RCL1: variants seen among roughly 807,000 people sequenced by gnomAD.
RCL1 encodes RNA terminal phosphate cyclase like 1.
A neutral mutation model predicts 42.4 loss-of-function variants in RCL1; 24 were observed. That is an observed-to-expected ratio of 0.57 (90% CI 0.41 to 0.80). RCL1 has a LOEUF of 0.80. Among genes scored for constraint, RCL1 ranks in the 30% least tolerant of loss-of-function variants. The probability of loss-of-function intolerance (pLI) is 0.00; values close to 1 mark genes in which losing one functional copy is unlikely to be tolerated. For synonymous variants in RCL1, 228 were observed against 177.3 expected, an observed-to-expected ratio of 1.29 and a Z score of -2.27; for missense variants, 578 against 467.9, an observed-to-expected ratio of 1.24 and a Z score of -2.17.
intron 7 of RCL1, among the ~76,000 whole-genome samples, chr9:4,847,731 G>T (rs1396745424): frequency 6.6e-6 from 1 of 152,190 alleles, no homozygotes; most frequent in African/African-American, 2.4e-5. Context: ...GACCCATTTC[G>T]GAAAGGCTTG....
At chr9:4,830,272 A>G (rs1458617608) in intron 3 of RCL1, among the ~76,000 whole-genome samples, 1 of 152,198 alleles carries the variant, frequency 6.6e-6, no homozygotes, top group Non-Finnish European at 1.5e-5. Flanking sequence ...ATTCTTCCAG[A>G]AGGTTTTAAG....
chr9:4,811,250 G>A (rs913736687), intron 1 of RCL1, among the ~76,000 whole-genome samples: 2 of 150,752 alleles, frequency 1.3e-5, no homozygotes, highest in African/African-American at 4.9e-5. Flanking sequence ...CCACTGCACT[G>A]GGCAATAGAG....
chr9:4,859,198 A>G (rs1382959897), intron 8 of RCL1, among the ~76,000 whole-genome samples: 1 of 152,060 alleles, frequency 6.6e-6, no homozygotes, highest in African/African-American at 2.4e-5. Flanking sequence ...TTCCCAAGGT[A>G]CTCTTGGACT....
At chr9:4,856,419 C>T (rs765145779) in intron 8 of RCL1, among the ~76,000 whole-genome samples, 1 of 152,080 alleles carries the variant, frequency 6.6e-6, no homozygotes, top group Non-Finnish European at 1.5e-5. Flanking sequence ...GTTTGAATAA[C>T]GGGTTCAGTG....
At chr9:4,818,533 C>G (rs901713560) in intron 1 of RCL1, among the ~76,000 whole-genome samples, 3 of 152,062 alleles carry the variant, frequency 2.0e-5, no homozygotes, top group African/African-American at 7.2e-5. Context: ...AAAGGAATGA[C>G]TCCTAATTTT....
chr9:4,835,782 C>G (rs1303888662), intron 5 of RCL1, among the ~76,000 whole-genome samples: 1 of 152,222 alleles, frequency 6.6e-6, no homozygotes, highest in Non-Finnish European at 1.5e-5. Flanking sequence ...ATCTTTAGTC[C>G]TGTTATAACT....
intron 1 of RCL1, among the ~76,000 whole-genome samples, chr9:4,819,651 A>T (rs887036800): frequency 2.8e-4 from 43 of 152,282 alleles, no homozygotes; most frequent in African/African-American, 1.0e-3. Flanking sequence ...TACTGAAAAT[A>T]CAAAAATTAG....
At position 4,840,532 on chromosome 9, in the gene RCL1, T is replaced by G. The variant is rs560978979; in HGVS notation, c.585-700T>G. ...ACTTGAGTTACTAATATCTTCCTCC[T>G]TTCTTTTCTGGGGTGCCCTATTGTA... On this transcript the variant is annotated intron_variant, in intron 5 of 8. Transcript: ENST00000381750. 7.9e-5 allele frequency among the ~76,000 whole-genome samples: 12 copies of G among 152,318 alleles called. No homozygotes were observed. In the East Asian group the frequency reaches 1.2e-3, roughly 15 times the overall value.
intron 1 of RCL1, 78 bp downstream of exon 1, chr9:4,793,305 G>T: frequency 1.4e-6 from 2 of 1,464,018 alleles, no homozygotes; most frequent in Non-Finnish European, 9.1e-7. Context: ...GGGCCCGCGC[G>T]GTGTTGGTTG....
chr9:4,851,912 G>A (rs1282912128), intron 8 of RCL1, among the ~76,000 whole-genome samples: 1 of 111,122 alleles, frequency 9.0e-6, no homozygotes, highest in African/African-American at 3.2e-5. Context: ...ACAGAGTTTC[G>A]CTCTGTCGCC....
At chr9:4,812,862 T>C (rs557998587) in intron 1 of RCL1, among the ~76,000 whole-genome samples, 5 of 152,290 alleles carry the variant, frequency 3.3e-5, no homozygotes, top group African/African-American at 1.2e-4. Flanking sequence ...ATTGATTTCT[T>C]TTTCTGCTAA....
At chr9:4,849,632 A>G in intron 8 of RCL1, 82 bp downstream of exon 8, 1 of 1,015,808 alleles carries the variant, frequency 9.8e-7, no homozygotes, top group Non-Finnish European at 1.5e-6. Flanking sequence ...GTTGTGCTGC[A>G]CAGAGCCTGC....
intron 8 of RCL1, among the ~76,000 whole-genome samples, chr9:4,855,177 A>G (rs1379602637): frequency 2.6e-5 from 4 of 151,864 alleles, no homozygotes; most frequent in African/African-American, 7.3e-5. Flanking sequence ...TCTGAAAATC[A>G]TTTTGTCCCG....
At chr9:4,804,114 C>A (rs1055949335) in intron 1 of RCL1, 1 of 152,444 alleles carries the variant, frequency 6.6e-6, no homozygotes, top group East Asian at 1.9e-4. Flanking sequence ...AACGGAGCAG[C>A]GAGACCTGCA....
At chr9:4,820,504 C>T (rs989233977) in intron 1 of RCL1, among the ~76,000 whole-genome samples, 4 of 152,254 alleles carry the variant, frequency 2.6e-5, no homozygotes, top group East Asian at 3.9e-4. Flanking sequence ...TTCTGCTGGG[C>T]GTTTCTGGTT....
chr9:4,823,400 C>T lies in RCL1; in HGVS notation c.137-148C>T, dbSNP rs1322231933. ...TCAGGTTCCTCAACCTGTGAACCTA[C>T]CCAGTCCTTTAGGAAAGCCCAGGTG... is the stretch of plus-strand genomic sequence containing the variant. On this transcript the variant is annotated intron_variant, in intron 1 of 8. Transcript: ENST00000381750. 1.3e-4 allele frequency: 73 copies of T among 553,778 alleles called. 1 individual carries two copies. Among genetic ancestry groups the T allele is most frequent in the Non-Finnish European group, 1.3e-5 (4 of 316,128 alleles). 34.3% of individuals were successfully genotyped at this position (553,778 alleles called of 1,614,324 possible).
At chr9:4,821,645 T>A (rs1186237678) in intron 1 of RCL1, among the ~76,000 whole-genome samples, 1 of 140,032 alleles carries the variant, frequency 7.1e-6, no homozygotes, top group Non-Finnish European at 1.5e-5. Context: ...GCTGGACTCA[T>A]TTTTTTTTTT....
In RCL1 at chr9:4,844,514, T is replaced by C. The variant is rs368371071; in HGVS notation, c.711-11T>C. ...TAAACCTACTCAGTGTTTGTGCCTT[T>C]GTATCTCCAGGTCTCCGGGCTTTGG... On this transcript the variant is annotated splice_polypyrimidine_tract_variant and intron_variant, in intron 6 of 8. Transcript: ENST00000381750. 1 of 1,604,186 alleles carries C rather than the reference T, an allele frequency of 6.2e-7. No individual in the cohort carries two copies. Among genetic ancestry groups the C allele is most frequent in the African/African-American group, 1.3e-5 (1 of 74,644 alleles).
chr9:4,797,721 G>C (rs2130961852), intron 1 of RCL1, among the ~76,000 whole-genome samples: 1 of 152,234 alleles, frequency 6.6e-6, no homozygotes, highest in South Asian at 2.1e-4. Flanking sequence ...CTAATGATTA[G>C]GAATAGCAGC....
Sources: gnomAD v4.1 joint callset for allele counts (sites outside exome capture counted in the v4.1 genomes callset) on GRCh38, gnomAD v4.1.1 for gene constraint, MANE v1.5 for transcripts, NCBI Gene and HGNC (gene_info 2026-07-23, HGNC 2026-07-21) for gene names.